The following ART3 variants were observed in gnomAD, a reference collection of about 807,000 sequenced individuals.
ART3 encodes the protein ADP-ribosyltransferase 3 (inactive).
In ART3, 49 loss-of-function variants were observed where a neutral mutation model predicts 48.5. The observed-to-expected ratio is 1.01, with a 90% CI of 0.80 to 1.28. The LOEUF is 1.28. Among genes scored for constraint, ART3 ranks in the 50% most tolerant of loss-of-function variants. ART3 has a pLI of 0.00. For synonymous variants in ART3, 145 were observed against 157.2 expected (o/e 0.92, Z 0.58); for missense variants, 438 against 454.3 (o/e 0.96, Z 0.33).
At chr4:76,050,606 G>C (rs543783852) in intron 1 of ART3, among the ~76,000 whole-genome samples, 1 of 152,212 alleles carries the variant, frequency 6.6e-6, no homozygotes, top group South Asian at 2.1e-4. Context: ...AGTGGATCCC[G>C]CACCAGGGCT....
chr4:76,096,703 T>C (rs1726095450), intron 3 of ART3, among the ~76,000 whole-genome samples: 1 of 152,236 alleles, frequency 6.6e-6, no homozygotes. Flanking sequence ...ACTGCAGTGC[T>C]GACAACTTTT....
intron 11 of ART3, among the ~76,000 whole-genome samples, chr4:76,108,629 C>A (rs1474505491): frequency 1.3e-5 from 2 of 151,410 alleles, no homozygotes; most frequent in Non-Finnish European, 2.9e-5. Flanking sequence ...CCCTGAGAAC[C>A]ACTGGTCTGT....
chr4:76,048,765 TTGCC>T (rs1383350219), intron 1 of ART3, among the ~76,000 whole-genome samples: 2 of 151,848 alleles, frequency 1.3e-5, no homozygotes, highest in Non-Finnish European at 2.9e-5. Flanking sequence ...ACCTGCACCC[TTGCC>T]TGTCTTCCTA....
chr4:76,016,218 G>A (rs1302425014), intron 1 of ART3, among the ~76,000 whole-genome samples: 3 of 152,154 alleles, frequency 2.0e-5, no homozygotes, highest in African/African-American at 4.8e-5. Context: ...AAAGTTTGCT[G>A]CTAGACATAT....
intron 1 of ART3, among the ~76,000 whole-genome samples, chr4:76,049,986 G>A (rs949794233): frequency 2.0e-5 from 3 of 151,882 alleles, no homozygotes; most frequent in Admixed American, 6.6e-5. Flanking sequence ...AGACCTTAGC[G>A]GTGAGTGTTA....
intron 1 of ART3, among the ~76,000 whole-genome samples, chr4:76,042,216 A>T (rs1191354302): frequency 2.6e-5 from 4 of 152,210 alleles, no homozygotes; most frequent in Non-Finnish European, 4.4e-5. Context: ...TTCCAAGTTA[A>T]AAGAGATTAA....
In ART3 at chr4:76,034,755, A is replaced by C. The variant is rs757781879; in HGVS notation, c.-10+23435A>C. ...CAGTTAAACTTGTTCTAGGTTTTTC[A>C]GATGCTCTTTTCCAGGACTTCATAT... On this transcript the variant is annotated intron_variant, in intron 1 of 9. Transcript: ENST00000341029. The C allele has an allele frequency of 2.8e-6, 4 of 1,434,996 alleles. No homozygotes were observed. The Admixed American group carries it at 7.3e-5, about 26-fold the overall frequency. The allele number at this position is 1,434,996 out of a possible 1,614,324, so 88.9% of individuals were successfully genotyped here.
At chr4:76,027,236 A>T (rs922014203) in intron 1 of ART3, among the ~76,000 whole-genome samples, 2 of 152,180 alleles carry the variant, frequency 1.3e-5, no homozygotes, top group Admixed American at 1.3e-4. Context: ...CTGGGCAACA[A>T]GAGCGAAACT....
Position 76,064,834 on chromosome 4 carries a change from A to ATT in ART3, c.-9-11033_-9-11032dup, listed in dbSNP as rs5859490. Among the ~76,000 whole-genome samples, 250 of 146,176 alleles carry ATT rather than the reference A, an allele frequency of 1.7e-3. 2 individuals carry two copies. Among genetic ancestry groups the ATT allele is most frequent in the African/African-American group, 1.2e-3 (46 of 39,652 alleles). On this transcript the variant is annotated intron_variant, in intron 1 of 9. Transcript: ENST00000341029. ...AGATGGGAGTTGGAATATTGAGTAA[A>ATT]TTTTTTTTTTTTTTTGAGACAGGGT...
intron 1 of ART3, among the ~76,000 whole-genome samples, chr4:76,037,223 G>C: frequency 6.7e-6 from 1 of 148,630 alleles, no homozygotes. Context: ...ATTCTACTTT[G>C]ATGTAATTCC....
Position 76,067,512 on chromosome 4 carries a change from T to C in ART3, c.-9-8369T>C, listed in dbSNP as rs566103065. Among the ~76,000 whole-genome samples, 22 of 152,352 alleles carry C rather than the reference T, an allele frequency of 1.4e-4. No individual in the cohort carries two copies. The South Asian group carries it at 4.1e-3, about 29-fold the overall frequency. ...CTGAGCTAGCAATTAAATGTCACCATTGCTGGAGACCAGACTAACAGCTAG... is the reference window on the plus strand; with the variant it reads ...CTGAGCTAGCAATTAAATGTCACCACTGCTGGAGACCAGACTAACAGCTAG... On this transcript the variant is annotated intron_variant, in intron 1 of 9. Coordinates refer to the ART3 transcript ENST00000341029.
intron 2 of ART3, among the ~76,000 whole-genome samples, chr4:76,078,089 T>C (rs1173994022): frequency 6.6e-6 from 1 of 152,216 alleles, no homozygotes; most frequent in Non-Finnish European, 1.5e-5. Context: ...GCTTTTTTTC[T>C]CGGTGGTTAT....
chr4:76,092,025 T>TATAATAATAATA (rs1725018806), intron 3 of ART3, among the ~76,000 whole-genome samples: 2 of 152,164 alleles, frequency 1.3e-5, no homozygotes, highest in Admixed American at 6.5e-5. Context: ...ACTATAGCTA[T>TATAATAATAATA]ATAATAAACC....
chr4:76,101,540 G>A (rs886567245), intron 8 of ART3, among the ~76,000 whole-genome samples: 6 of 152,226 alleles, frequency 3.9e-5, no homozygotes, highest in East Asian at 3.9e-4. Context: ...GGCCAAAGTG[G>A]GCGGATCACG....
chr4:76,030,224 T>C (rs1436212996), intron 1 of ART3, among the ~76,000 whole-genome samples: 1 of 152,156 alleles, frequency 6.6e-6, no homozygotes, highest in Non-Finnish European at 1.5e-5. Context: ...GCCCAGCTAA[T>C]TTTTTGTATC....
intron 11 of ART3, among the ~76,000 whole-genome samples, chr4:76,110,734 T>C (rs1729318707): frequency 6.6e-6 from 1 of 152,122 alleles, no homozygotes; most frequent in African/African-American, 2.4e-5. Context: ...ACTGCATGGG[T>C]CCACTTATAC....
chr4:76,047,457 A>AC (rs1735618123), intron 1 of ART3, among the ~76,000 whole-genome samples: 2 of 151,906 alleles, frequency 1.3e-5, no homozygotes, highest in South Asian at 4.2e-4. Context: ...CCCCCGAGTG[A>AC]TTCAGGTGAC....
At chr4:76,052,718 C>T (rs10712861) in intron 1 of ART3, among the ~76,000 whole-genome samples, 55,222 of 113,876 alleles carry the variant, frequency 0.48, 12,357 homozygotes, top group East Asian at 0.89. Context: ...TTTTTTCCTT[C>T]TTTTTTTTTT....
intron 3 of ART3, 30 bp from the exon 4 acceptor site, chr4:76,097,614 A>G (rs761817287): frequency 6.3e-7 from 1 of 1,575,580 alleles, no homozygotes; most frequent in South Asian, 1.1e-5. Context: ...TATTATGTCT[A>G]ACTAATAAAG....
Sources: gnomAD v4.1 joint callset for allele counts (sites outside exome capture counted in the v4.1 genomes callset) on GRCh38, gnomAD v4.1.1 for gene constraint, MANE v1.5 for transcripts, NCBI Gene and HGNC (gene_info 2026-07-23, HGNC 2026-07-21) for gene names.